Variants in CFAP57 observed in about 807,000 individuals in gnomAD.
CFAP57 encodes the protein cilia- and flagella-associated protein 57.
Under a neutral mutation model 146.8 loss-of-function variants are expected in CFAP57, and 116 were observed. The observed-to-expected ratio is 0.79, with a 90% CI of 0.68 to 0.92. The LOEUF is 0.92. CFAP57 is among the 40% of genes least tolerant of loss of function. The probability of loss-of-function intolerance (pLI) is 0.00; values close to 1 mark genes in which losing one functional copy is unlikely to be tolerated. For synonymous variants in CFAP57, 518 were observed against 552.8 expected, an observed-to-expected ratio of 0.94 and a Z score of 0.88; for missense variants, 1,377 against 1,527.2, an observed-to-expected ratio of 0.90 and a Z score of 1.64.
chr1:43,250,433 G>A (rs1208735067), intron 22 of CFAP57: 1 of 152,140 alleles, frequency 6.6e-6, no homozygotes, highest in Non-Finnish European at 1.5e-5. Flanking sequence ...ATATTAACCA[G>A]GCCCAACTCT....
intron 11 of CFAP57, chr1:43,210,222 T>A (rs1002519350): frequency 3.8e-5 from 57 of 1,503,994 alleles, no homozygotes; most frequent in Non-Finnish European, 4.9e-5. Context: ...GGGCTGCACT[T>A]GACCACAGCT....
intron 6 of CFAP57, among the ~76,000 whole-genome samples, chr1:43,187,346 T>C (rs6429611): frequency 0.18 from 27,412 of 152,096 alleles, 3,581 homozygotes; most frequent in African/African-American, 0.35. Context: ...AATTTTAAGT[T>C]TGCATGTACC....
At chr1:43,250,193 C>T (rs186130037) in intron 22 of CFAP57, 170 of 152,280 alleles carry the variant, frequency 1.1e-3, no homozygotes, top group African/African-American at 3.9e-3. Flanking sequence ...TAGACACACA[C>T]ACAAACGAAA....
chr1:43,221,574 G>T, intron 14 of CFAP57, 109 bp downstream of exon 14: 1 of 669,118 alleles, frequency 1.5e-6, no homozygotes, highest in Non-Finnish European at 2.3e-6. Context: ...ATATGGCTCT[G>T]TCTAAAAACA....
intron 6 of CFAP57, 88 bp downstream of exon 6, chr1:43,186,947 A>T: frequency 6.7e-7 from 1 of 1,502,726 alleles, no homozygotes; most frequent in South Asian, 1.2e-5. Context: ...TTTAATCCAA[A>T]TAAGTTAGCA....
rs777001077 is a variant in CFAP57, at chr1:43,215,342, C to G, written c.2017C>G (p.Arg673Gly). The G allele has an allele frequency of 6.4e-7, 1 of 1,551,152 alleles. No homozygotes were observed. Among genetic ancestry groups the G allele is most frequent in the Non-Finnish European group, 8.7e-7 (1 of 1,147,108 alleles). The change falls in exon 12 of 23, where the codon CGG becomes GGG. Residue 673 changes from arginine (R) to glycine (G), a missense_variant. Coordinates refer to ENST00000372492, the MANE Select transcript of CFAP57 (RefSeq NM_001378189.1). The stretch of plus-strand genomic sequence containing the variant: ...CTGGAAGGTCTTTGATAAGGATGGC[C>G]GGGGAATCAAGCGAGAGAGGGAGGT... ...FTWKVFDKDG[R>G]GIKREREVGF...
rs754127220 is a variant in CFAP57, at chr1:43,185,165, C to T, written c.778C>T (p.Pro260Ser). ...TGTTTCCAGCCTGATTGAATTTCCA[C>T]CAGTCAGTTCTCCACTCCCTTCCTA... Reference protein sequence around the residue: ...QESESLIEFPPVSSPLPSYEQ... With the variant: ...QESESLIEFPSVSSPLPSYEQ... Residue 260 changes from proline (P) to serine (S), a missense_variant, in exon 5 of 23, where the codon CCA becomes TCA. Coordinates refer to ENST00000372492, the MANE Select transcript of CFAP57 (RefSeq NM_001378189.1). The T allele has an allele frequency of 6.2e-7, 1 of 1,614,114 alleles. No individual in the cohort carries two copies. Among genetic ancestry groups the T allele is most frequent in the Non-Finnish European group, 8.5e-7 (1 of 1,180,022 alleles).
At chr1:43,220,027 C>A (rs1644983610) in intron 13 of CFAP57, among the ~76,000 whole-genome samples, 1 of 152,000 alleles carries the variant, frequency 6.6e-6, no homozygotes, top group Non-Finnish European at 1.5e-5. Context: ...AGAATATAAA[C>A]CACTTTATGG....
intron 22 of CFAP57, among the ~76,000 whole-genome samples, chr1:43,245,654 G>A (rs542672916): frequency 1.3e-5 from 2 of 152,250 alleles, no homozygotes; most frequent in South Asian, 2.1e-4. Context: ...TATCTCTGGA[G>A]GTGGAAGTGA....
intron 6 of CFAP57, among the ~76,000 whole-genome samples, chr1:43,191,019 G>T (rs1569937529): frequency 6.6e-6 from 1 of 152,230 alleles, no homozygotes; most frequent in East Asian, 1.9e-4. Context: ...CTAATTTTTT[G>T]AAGGTTTGTG....
At chr1:43,187,721 A>T (rs1643235695) in intron 6 of CFAP57, among the ~76,000 whole-genome samples, 1 of 151,976 alleles carries the variant, frequency 6.6e-6, no homozygotes. Flanking sequence ...CTATATATAG[A>T]TTTGCCTATT....
intron 3 of CFAP57, 89 bp from the exon 4 acceptor site, chr1:43,183,502 T>A (rs1645504085): frequency 1.6e-6 from 2 of 1,236,580 alleles, no homozygotes; most frequent in Non-Finnish European, 2.3e-6. Flanking sequence ...CTGAGCAGCC[T>A]GAAATAAATA....
chr1:43,199,112 G>A (rs1358482206), intron 8 of CFAP57, among the ~76,000 whole-genome samples: 3 of 152,194 alleles, frequency 2.0e-5, no homozygotes, highest in African/African-American at 7.2e-5. Context: ...CCCCGGCTCT[G>A]AAACATGCTT....
At chr1:43,173,609 T>C (rs1017774484) in intron 2 of CFAP57, among the ~76,000 whole-genome samples, 35 of 152,228 alleles carry the variant, frequency 2.3e-4, no homozygotes, top group Admixed American at 2.2e-3. Context: ...AATGTCATGC[T>C]TTTGAGATTC....
chr1:43,226,260 G>T (rs1256247117), intron 17 of CFAP57, among the ~76,000 whole-genome samples: 1 of 152,224 alleles, frequency 6.6e-6, no homozygotes, highest in Non-Finnish European at 1.5e-5. Context: ...ACAAAAGGAT[G>T]GCTTATCTCT....
At chr1:43,174,953 C>T (rs951079277) in intron 2 of CFAP57, among the ~76,000 whole-genome samples, 2 of 152,162 alleles carry the variant, frequency 1.3e-5, no homozygotes, top group African/African-American at 4.8e-5. Context: ...TCAGATATTC[C>T]AGCTGGGATC....
intron 7 of CFAP57, 124 bp downstream of exon 7, chr1:43,197,816 T>A (rs1290083850): frequency 7.2e-7 from 1 of 1,394,938 alleles, no homozygotes; most frequent in Non-Finnish European, 9.9e-7. Flanking sequence ...AAAAGATTTT[T>A]AAAAAATCAA....
Position 43,221,995 on chromosome 1 carries a change from C to A in CFAP57, c.2342-110C>A, listed in dbSNP as rs77090438. ...GGCATTTGAATCTTGGCTCTGGAGGCAGCTGCTCCAGCTGGTGCTGGAAGG... is the reference window on the plus strand; with the variant it reads ...GGCATTTGAATCTTGGCTCTGGAGGAAGCTGCTCCAGCTGGTGCTGGAAGG... On this transcript the variant is annotated intron_variant, in intron 14 of 22. Coordinates refer to ENST00000372492, the MANE Select transcript of CFAP57 (RefSeq NM_001378189.1). 2.0e-4 allele frequency: 179 copies of A among 911,576 alleles called. 1 individual carries two copies. The East Asian group carries it at 5.6e-3, about 28-fold the overall frequency. 56.5% of individuals were successfully genotyped at this position (911,576 alleles called of 1,614,324 possible).
Position 43,219,452 on chromosome 1 carries a change from T to C in CFAP57, c.2162T>C (p.Leu721Pro). 3.9e-6 allele frequency: 6 copies of C among 1,550,662 alleles called. No homozygotes were observed. The highest frequency in any genetic ancestry group is 5.2e-6 in the Non-Finnish European group (6 of 1,147,006). ...ATGGAGAATGAGTATCAACTCCGAC[T>C]AAAGGACATGAACTATTCTGAGAAG... is the stretch of plus-strand genomic sequence containing the variant. ...LKMENEYQLRLKDMNYSEKIK... is the reference protein window; with the variant it reads ...LKMENEYQLRPKDMNYSEKIK... Residue 721 changes from leucine (L) to proline (P), a missense_variant, in exon 13 of 23, where the codon CTA becomes CCA. By Grantham distance (98) the Leu-to-Pro change is moderately conservative. Transcript: ENST00000372492.
Sources: allele counts gnomAD v4.1 joint callset (sites outside exome capture counted in the v4.1 genomes callset), GRCh38; gene constraint gnomAD v4.1.1; transcripts MANE v1.5; gene names NCBI Gene and HGNC (gene_info 2026-07-23, HGNC 2026-07-21).